STXBP5: variants seen among roughly 807,000 people sequenced by gnomAD.
STXBP5 encodes the protein syntaxin binding protein 5, also known as syntaxin-binding protein 5.
Under a neutral mutation model 152.4 loss-of-function variants are expected in STXBP5, and 50 were observed. The ratio of observed to expected loss-of-function variants is 0.33; its 90% CI spans 0.26 to 0.42. STXBP5 has a LOEUF of 0.42. Among genes scored for constraint, STXBP5 ranks in the 10% least tolerant of loss-of-function variants. The probability of loss-of-function intolerance (pLI) is 1.00; values close to 1 mark genes in which losing one functional copy is unlikely to be tolerated. For synonymous variants in STXBP5, 492 were observed against 494.7 expected (o/e 0.99, Z 0.07); for missense variants, 1,167 against 1,388.6 (o/e 0.84, Z 2.54).
At chr6:147,231,234 C>T (rs1483752901) in intron 2 of STXBP5, among the ~76,000 whole-genome samples, 2 of 151,344 alleles carry the variant, frequency 1.3e-5, no homozygotes, top group Non-Finnish European at 3.0e-5. Flanking sequence ...CTATTGCTTA[C>T]ATAGAGGGTC....
intron 4 of STXBP5, among the ~76,000 whole-genome samples, chr6:147,247,074 C>T (rs2115255217): frequency 6.6e-6 from 1 of 152,318 alleles, no homozygotes; most frequent in Admixed American, 6.5e-5. Context: ...ATTAGTAAGA[C>T]ATAACCTTAG....
At chr6:147,340,504 A>G (rs1206823099) in intron 21 of STXBP5, among the ~76,000 whole-genome samples, 1 of 152,066 alleles carries the variant, frequency 6.6e-6, no homozygotes, top group Non-Finnish European at 1.5e-5. Flanking sequence ...GCACTATGGC[A>G]CAATAGTCTT....
rs116292170 is a variant in STXBP5, at chr6:147,348,588, T to C, written c.2255-4735T>C. Among the ~76,000 whole-genome samples, 1,131 of 152,300 alleles carry C rather than the reference T, an allele frequency of 7.4e-3. 17 individuals carry two copies. Among genetic ancestry groups the C allele is most frequent in the African/African-American group, 0.026 (1,090 of 41,564 alleles). On this transcript the variant is annotated intron_variant, in intron 21 of 27. Coordinates refer to ENST00000321680, the MANE Select transcript of STXBP5 (RefSeq NM_001127715.4). ...TTTCTTTGTTTTCATCTAAACAGTT[T>C]TTGTAGTATTATACTTAATATACCT...
At chr6:147,227,735 C>T (rs773333613) in intron 2 of STXBP5, among the ~76,000 whole-genome samples, 18 of 152,032 alleles carry the variant, frequency 1.2e-4, no homozygotes, top group African/African-American at 4.1e-4. Context: ...ACTGTAGTCA[C>T]GTGTAATTAA....
chr6:147,350,339 G>C (rs1232098176), intron 21 of STXBP5, among the ~76,000 whole-genome samples: 1 of 151,942 alleles, frequency 6.6e-6, no homozygotes, highest in African/African-American at 2.4e-5. Context: ...AAGATCAAAA[G>C]CATGCACCTA....
chr6:147,388,954 A>G lies in STXBP5; in HGVS notation c.*4199A>G, dbSNP rs1786465720. The stretch of plus-strand genomic sequence containing the variant: ...TAGTTTATAGAATTTGTTCCTTATC[A>G]GTTTGATACTTGATCAACATTCTTA... On this transcript the variant is annotated 3_prime_UTR_variant, in exon 28 of 28. Transcript: ENST00000321680. 1 of 151,580 alleles carries G rather than the reference A, an allele frequency of 6.6e-6. No individual in the cohort carries two copies. Among genetic ancestry groups the G allele is most frequent in the Admixed American group, 6.6e-5 (1 of 15,200 alleles). 9.4% of individuals were successfully genotyped at this position (151,580 alleles called of 1,614,324 possible).
chr6:147,373,211 C>A (rs1785642176), intron 25 of STXBP5, among the ~76,000 whole-genome samples: 1 of 151,650 alleles, frequency 6.6e-6, no homozygotes, highest in African/African-American at 2.4e-5. Flanking sequence ...CTACAAAATA[C>A]AATAATTACC....
intron 4 of STXBP5, among the ~76,000 whole-genome samples, chr6:147,254,852 C>A (rs114367084): frequency 6.6e-6 from 1 of 152,170 alleles, no homozygotes; most frequent in Non-Finnish European, 1.5e-5. Context: ...AATAGGAATG[C>A]GTTTACTTTG....
chr6:147,204,799 T>C lies in STXBP5; in HGVS notation c.150+117T>C. ...AAGAGAACGCCAATAATAATAATAA[T>C]AACTCTAATAAAAGGCTCGCTCCTC... On this transcript the variant is annotated intron_variant, in intron 1 of 27. Coordinates refer to ENST00000321680, the MANE Select transcript of STXBP5 (RefSeq NM_001127715.4). The surrounding 1 kb of genome is among the most constrained non-coding windows in gnomAD (Gnocchi z 4.3). 2 of 1,146,994 alleles carry C rather than the reference T, an allele frequency of 1.7e-6. No homozygotes were observed. Among genetic ancestry groups the C allele is most frequent in the Non-Finnish European group, 2.4e-6 (2 of 845,094 alleles). 71.1% of individuals were successfully genotyped at this position (1,146,994 alleles called of 1,614,324 possible).
At chr6:147,218,415 AAATT>A (rs1462242555) in intron 2 of STXBP5, among the ~76,000 whole-genome samples, 1 of 152,138 alleles carries the variant, frequency 6.6e-6, no homozygotes, top group Non-Finnish European at 1.5e-5. Flanking sequence ...AAATAATTTC[AAATT>A]AATTATTTCA....
intron 2 of STXBP5, among the ~76,000 whole-genome samples, chr6:147,217,411 T>C (rs1303666804): frequency 2.6e-5 from 4 of 152,242 alleles, no homozygotes; most frequent in Non-Finnish European, 4.4e-5. Flanking sequence ...TCTTTCTTGT[T>C]CATTTAACCC....
At chr6:147,345,892 A>T (rs149270518) in intron 21 of STXBP5, among the ~76,000 whole-genome samples, 75 of 152,320 alleles carry the variant, frequency 4.9e-4, no homozygotes, top group African/African-American at 1.7e-3. Flanking sequence ...CTACTAAACA[A>T]ATGCAGCTCT....
At chr6:147,314,206 C>CAT (rs1782523802) in intron 12 of STXBP5, 58 bp from the exon 13 acceptor site, 2 of 1,444,014 alleles carry the variant, frequency 1.4e-6, no homozygotes, top group Middle Eastern at 1.7e-4. Context: ...CACACACACA[C>CAT]ACACGGAGGT....
At chr6:147,325,180 C>T in intron 17 of STXBP5, 96 bp downstream of exon 17, 1 of 1,176,864 alleles carries the variant, frequency 8.5e-7, no homozygotes, top group East Asian at 2.9e-5. Context: ...GTTATATCGT[C>T]ACCTAAAATG....
chr6:147,303,824 TG>T lies in STXBP5; in HGVS notation c.918-6258del, dbSNP rs1202722856. Reference sequence around the variant, plus strand: ...TGGAGCTGAGGGACTTGTTGGAAACTGGATCTATGGTGAGTCTTACTGTGCT... The same window carrying T: ...TGGAGCTGAGGGACTTGTTGGAAACTGATCTATGGTGAGTCTTACTGTGCT... On this transcript the variant is annotated intron_variant, in intron 9 of 27. Transcript: ENST00000321680. Among the ~76,000 whole-genome samples, 4 of 152,206 alleles carry T rather than the reference TG, an allele frequency of 2.6e-5. 1 individual carries two copies. The South Asian group carries it at 6.2e-4, about 24-fold the overall frequency.
Position 147,359,122 on chromosome 6 carries a change from A to G in STXBP5, c.2344A>G (p.Ser782Gly). ...CTCCTTTAGCCGATCACGGAGTTCA[A>G]GTGTAACAAGCATTGACAAAGAATC... Reference protein sequence around the residue: ...DNSFSRSRSSSVTSIDKESRE... With the variant: ...DNSFSRSRSSGVTSIDKESRE... Residue 782 changes from serine (S) to glycine (G), a missense_variant, in exon 23 of 28, where the codon AGT (serine) becomes GGT (glycine). Ser to Gly is a moderately conservative substitution (Grantham distance 56). This residue lies in a region of STXBP5 where 833 missense variants were observed against 986.3 expected (regional missense o/e 0.84). Transcript: ENST00000321680. The G allele has an allele frequency of 6.2e-7, 1 of 1,613,992 alleles. No homozygotes were observed. The highest frequency in any genetic ancestry group is 8.5e-7 in the Non-Finnish European group (1 of 1,179,914).
chr6:147,267,148 AC>A lies in STXBP5; in HGVS notation c.696del (p.Tyr232Ter). On this transcript the variant is annotated frameshift_variant, in exon 7 of 28. Coordinates refer to ENST00000321680, the MANE Select transcript of STXBP5 (RefSeq NM_001127715.4). LOFTEE classifies it high-confidence loss of function. ...GACCTCAAATCAAAGAAAGCCGACT[AC>A]AGATACACATATGATGAGGTAATAT... ...LWDLKSKKADYRYTYDEAIHS... is the reference protein window; with the variant it reads ...LWDLKSKKADXRYTYDEAIHS... 1 of 1,609,902 alleles carries A rather than the reference AC, an allele frequency of 6.2e-7. No individual in the cohort carries two copies. Among genetic ancestry groups the A allele is most frequent in the Non-Finnish European group, 8.5e-7 (1 of 1,178,484 alleles).
chr6:147,368,255 TGTTA>T (rs1785384047), intron 25 of STXBP5, among the ~76,000 whole-genome samples: 1 of 113,498 alleles, frequency 8.8e-6, no homozygotes, highest in Admixed American at 9.3e-5. Flanking sequence ...AAGCAAAATT[TGTTA>T]AAAAAAAAAA....
chr6:147,345,724 G>A (rs2128401608), intron 21 of STXBP5, among the ~76,000 whole-genome samples: 1 of 152,144 alleles, frequency 6.6e-6, no homozygotes, highest in East Asian at 1.9e-4. Flanking sequence ...AAGAATGCTT[G>A]TTTAGAAAAA....
Sources: allele counts gnomAD v4.1 joint callset (sites outside exome capture counted in the v4.1 genomes callset), GRCh38; gene constraint gnomAD v4.1.1; regional missense constraint gnomAD v4.1.1; non-coding constraint Gnocchi (gnomAD v3.1); transcripts MANE v1.5; gene names NCBI Gene and HGNC (gene_info 2026-07-23, HGNC 2026-07-21).